The following ASPH variants were observed in gnomAD, a reference collection of about 807,000 sequenced individuals.
The protein encoded by ASPH is aspartate beta-hydroxylase, also known as aspartyl/asparaginyl beta-hydroxylase.
A neutral mutation model predicts 118.4 loss-of-function variants in ASPH; 100 were observed. The ratio of observed to expected loss-of-function variants is 0.84; its 90% CI spans 0.72 to 1.00. The LOEUF (loss-of-function observed/expected upper bound fraction) is 1.00. Ranked by LOEUF, ASPH falls within the 50% of genes least tolerant of loss-of-function variation. The pLI is 0.00. For missense variants in ASPH, 920 were observed against 919.5 expected, an observed-to-expected ratio of 1.00 and a Z score of -0.01; for synonymous variants, 315 against 325.6, an observed-to-expected ratio of 0.97 and a Z score of 0.35.
chr8:61,674,018 A>T (rs1272148163), intron 3 of ASPH, among the ~76,000 whole-genome samples: 1 of 152,246 alleles, frequency 6.6e-6, no homozygotes, highest in Admixed American at 6.5e-5. Flanking sequence ...ATTTCTGTAC[A>T]TAAAATATGC....
chr8:61,649,352 G>T (rs1809717379), intron 5 of ASPH, among the ~76,000 whole-genome samples: 1 of 152,144 alleles, frequency 6.6e-6, no homozygotes, highest in Non-Finnish European at 1.5e-5. Flanking sequence ...AATCTGGGGA[G>T]AACTGGGGTG....
chr8:61,527,952 G>T (rs1482615186), intron 21 of ASPH, among the ~76,000 whole-genome samples: 2 of 152,214 alleles, frequency 1.3e-5, no homozygotes, highest in East Asian at 1.9e-4. Context: ...CACCTTCCAA[G>T]GACACAGAGA....
chr8:61,604,516 TA>T lies in ASPH; in HGVS notation c.976+14461del, dbSNP rs1845011003. Among the ~76,000 whole-genome samples the T allele has an allele frequency of 3.3e-5, 5 of 152,360 alleles. No homozygotes were observed. In the South Asian group the frequency reaches 1.0e-3, roughly 32 times the overall value. On this transcript the variant is annotated intron_variant, in intron 14 of 24. Transcript: ENST00000379454. ...ACATGAATTATTTTTATTACAATTA[TA>T]GACGATCATGTTTTTTAACATAATG... is the stretch of plus-strand genomic sequence containing the variant.
chr8:61,564,499 A>G (rs1190991705), intron 17 of ASPH, among the ~76,000 whole-genome samples: 7 of 152,014 alleles, frequency 4.6e-5, no homozygotes, highest in Non-Finnish European at 1.0e-4. Flanking sequence ...AGGTTTCACC[A>G]TGTTGGCCAG....
intron 22 of ASPH, among the ~76,000 whole-genome samples, chr8:61,519,770 C>T (rs892229183): frequency 5.3e-5 from 8 of 152,096 alleles, no homozygotes; most frequent in Non-Finnish European, 8.8e-5. Context: ...GGCCACAAGC[C>T]GGGGAATGTG....
chr8:61,641,116 A>T (rs1436298470), intron 10 of ASPH, among the ~76,000 whole-genome samples: 1 of 152,236 alleles, frequency 6.6e-6, no homozygotes, highest in Admixed American at 6.5e-5. Context: ...TAACAAAGAA[A>T]TCCAAAGTAG....
intron 19 of ASPH, among the ~76,000 whole-genome samples, chr8:61,553,379 T>C (rs1434537524): frequency 6.6e-6 from 1 of 152,252 alleles, no homozygotes; most frequent in Admixed American, 6.5e-5. Flanking sequence ...TGATACTTTG[T>C]GTACCTTCTG....
chr8:61,692,315 A>T (rs1157302332), intron 1 of ASPH, among the ~76,000 whole-genome samples: 1 of 152,226 alleles, frequency 6.6e-6, no homozygotes, highest in Non-Finnish European at 1.5e-5. Flanking sequence ...ATGACAATTC[A>T]TTTTTATGAT....
chr8:61,620,769 T>C (rs941444166), intron 13 of ASPH, among the ~76,000 whole-genome samples: 2 of 152,202 alleles, frequency 1.3e-5, no homozygotes, highest in African/African-American at 4.8e-5. Context: ...CCCCCAGTCA[T>C]TGCATAAGGC....
intron 1 of ASPH, among the ~76,000 whole-genome samples, chr8:61,689,150 C>G (rs1831742808): frequency 6.6e-6 from 1 of 152,242 alleles, no homozygotes; most frequent in African/African-American, 2.4e-5. Context: ...AAGAATACTT[C>G]AAAGTTAAAG....
At chr8:61,712,693 G>A (rs112018268) in intron 1 of ASPH, among the ~76,000 whole-genome samples, 2 of 152,152 alleles carry the variant, frequency 1.3e-5, no homozygotes, top group African/African-American at 4.8e-5. Flanking sequence ...TCTCTTGCCT[G>A]TTAAAATGCT....
In ASPH at chr8:61,502,572, A is replaced by T. The variant is rs567829137; in HGVS notation, c.*787T>A. 9.2e-5 allele frequency: 14 copies of T among 152,344 alleles called. No individual in the cohort carries two copies. Among genetic ancestry groups the T allele is most frequent in the African/African-American group, 3.4e-4 (14 of 41,584 alleles). The allele number at this position is 152,344 out of a possible 1,614,324, so 9.4% of individuals were successfully genotyped here. On this transcript the variant is annotated 3_prime_UTR_variant, in exon 25 of 25. Transcript: ENST00000379454. ...AGCTCTAATAATTGGCATTAAAAAAATTTGCATCTGGGATTTTTATAACAA... is the reference window on the plus strand; with the variant it reads ...AGCTCTAATAATTGGCATTAAAAAATTTTGCATCTGGGATTTTTATAACAA...
At chr8:61,578,211 G>A (rs1019044708) in intron 15 of ASPH, 3 of 1,570,840 alleles carry the variant, frequency 1.9e-6, no homozygotes, top group African/African-American at 1.3e-5. Context: ...CTCCACTCCT[G>A]CCTCCACCAT....
intron 1 of ASPH, among the ~76,000 whole-genome samples, chr8:61,694,989 T>C (rs1031892074): frequency 6.6e-6 from 1 of 152,252 alleles, no homozygotes; most frequent in Non-Finnish European, 1.5e-5. Flanking sequence ...ATTGAGTTTA[T>C]CATCTGGCTG....
intron 14 of ASPH, among the ~76,000 whole-genome samples, chr8:61,590,298 T>C (rs1203709435): frequency 6.6e-6 from 1 of 152,110 alleles, no homozygotes; most frequent in Non-Finnish European, 1.5e-5. Flanking sequence ...GTGCTTGCTC[T>C]GGGAGTATAA....
intron 17 of ASPH, among the ~76,000 whole-genome samples, chr8:61,564,474 T>C (rs1168589141): frequency 1.3e-5 from 2 of 152,096 alleles, no homozygotes; most frequent in Non-Finnish European, 2.9e-5. Context: ...AATTTTTGTA[T>C]TTTCAGTAGA....
rs1479742534 is a variant in ASPH, at chr8:61,664,344, T to A, written c.323-10684A>T. 3.1e-6 allele frequency: 3 copies of A among 974,192 alleles called. No homozygotes were observed. The African/African-American group carries it at 5.3e-5, about 17-fold the overall frequency. The allele number at this position is 974,192 out of a possible 1,614,324, so 60.3% of individuals were successfully genotyped here. ...AAAATAATGGAAAAAAAGTGTGATA[T>A]AAAATGAAAGTACATTCTAATCTGA... On this transcript the variant is annotated intron_variant, in intron 3 of 24. Transcript: ENST00000379454.
chr8:61,642,755 G>T (rs922624313), intron 10 of ASPH, 133 bp downstream of exon 10: 21 of 708,016 alleles, frequency 3.0e-5, no homozygotes, highest in South Asian at 6.7e-5. Flanking sequence ...TGAGGCAAGA[G>T]AATCGCTTGT....
At chr8:61,713,646 T>G (rs571410602) in intron 1 of ASPH, among the ~76,000 whole-genome samples, 12 of 152,334 alleles carry the variant, frequency 7.9e-5, no homozygotes, top group Middle Eastern at 3.4e-3. Context: ...ATTTTTATTT[T>G]AAGTAAAAGT....
Sources: allele counts gnomAD v4.1 joint callset (sites outside exome capture counted in the v4.1 genomes callset), GRCh38; gene constraint gnomAD v4.1.1; transcripts MANE v1.5; gene names NCBI Gene and HGNC (gene_info 2026-07-23, HGNC 2026-07-21).